RRM2: variants seen among roughly 807,000 people sequenced by gnomAD.
The protein encoded by RRM2 is ribonucleoside-diphosphate reductase subunit M2.
Under a neutral mutation model 45.9 loss-of-function variants are expected in RRM2, and 6 were observed. The observed-to-expected ratio is 0.13, with a 90% CI of 0.07 to 0.26. The LOEUF is 0.26. Among genes scored for constraint, RRM2 ranks in the 10% least tolerant of loss-of-function variants. RRM2 has a pLI of 1.00. For synonymous variants in RRM2, 177 were observed against 173.0 expected, an observed-to-expected ratio of 1.02 and a Z score of -0.18; for missense variants, 343 against 489.5, an observed-to-expected ratio of 0.70 and a Z score of 2.82.
Position 10,143,792 on chromosome 2 carries a change from C to T in RRM2, n.482+1417C>T, listed in dbSNP as rs559304061. ...AAGCAATTCTCCTGCCTCAGCCTCT[C>T]GAGTAGCTGGGACTACAGGTGTGCA... On this transcript the variant is annotated intron_variant and non_coding_transcript_variant, in intron 3 of 3. Coordinates refer to the RRM2 transcript ENST00000381786. 5.3e-5 allele frequency among the ~76,000 whole-genome samples: 8 copies of T among 152,268 alleles called. No individual in the cohort carries two copies. In the East Asian group the frequency reaches 9.7e-4, roughly 18 times the overall value.
Position 10,122,997 on chromosome 2 carries a change from C to G in RRM2, c.114C>G (p.Ser38Arg). 1 of 1,560,180 alleles carries G rather than the reference C, an allele frequency of 6.4e-7. No homozygotes were observed. Among genetic ancestry groups the G allele is most frequent in the Non-Finnish European group, 8.6e-7 (1 of 1,159,254 alleles). ...TCTCCCCGCAGCCGCCGGCCCTGAGCGGGACCCGCGTCCTGGCCAGCAAGA... is the reference window on the plus strand; with the variant it reads ...TCTCCCCGCAGCCGCCGGCCCTGAGGGGGACCCGCGTCCTGGCCAGCAAGA... Reference protein sequence around the residue: ...VDKENTPPALSGTRVLASKTA... With the variant: ...VDKENTPPALRGTRVLASKTA... Residue 38 changes from serine to arginine, a missense_variant, in exon 2 of 10, where the codon AGC (serine) becomes AGG (arginine). Around this residue, in one of 2 missense-constraint regions of RRM2, gnomAD observed 131 missense variants for 121.4 expected, o/e 1.08. Transcript: ENST00000304567.
At chr2:10,210,971 G>A (rs892927310) in exon 4 of RRM2, 15 of 191,322 alleles carry the variant, frequency 7.8e-5, no homozygotes, top group African/African-American at 3.5e-4. Flanking sequence ...CCAGCCCCCA[G>A]AGCTGTGAGA....
rs368497682 is a variant in RRM2 at position 10,199,673 on chromosome 2, G to A, written n.483-10638G>A. Among the ~76,000 whole-genome samples the A allele has an allele frequency of 8.6e-5, 13 of 151,446 alleles. No homozygotes were observed. In the East Asian group the frequency reaches 2.4e-3, roughly 28 times the overall value. ...CGGGCGCCTGAAGTCCCAGCTACTC[G>A]GGAGGCTGAGGCGGGAGAATGGCGT... On this transcript the variant is annotated intron_variant and non_coding_transcript_variant, in intron 3 of 3. Coordinates refer to the RRM2 transcript ENST00000381786.
intron 2 of RRM2, chr2:10,142,104 G>A (rs1663096426): frequency 8.2e-6 from 13 of 1,580,896 alleles, no homozygotes; most frequent in South Asian, 8.1e-5. Flanking sequence ...TGTTTCAGGC[G>A]GAGGGTGGGC....
chr2:10,132,013 C>A (rs1220092551), downstream of RRM2, among the ~76,000 whole-genome samples: 1 of 152,210 alleles, frequency 6.6e-6, no homozygotes, highest in Non-Finnish European at 1.5e-5. Flanking sequence ...TTTTGCTCTG[C>A]TGTCCCACAT....
chr2:10,163,773 A>G (rs1663621023), intron 3 of RRM2, among the ~76,000 whole-genome samples: 1 of 152,224 alleles, frequency 6.6e-6, no homozygotes, highest in African/African-American at 2.4e-5. Flanking sequence ...GGACAACAGG[A>G]AAAGGTTTCT....
chr2:10,127,453 C>T lies in RRM2; in HGVS notation c.798+233C>T, dbSNP rs925640453. The T allele has an allele frequency of 4.6e-6, 2 of 438,398 alleles. No individual in the cohort carries two copies. Among genetic ancestry groups the T allele is most frequent in the African/African-American group, 2.0e-5 (1 of 49,972 alleles). The allele number at this position is 438,398 out of a possible 1,614,324, so 27.2% of individuals were successfully genotyped here. On this transcript the variant is annotated intron_variant, in intron 7 of 9. Transcript: ENST00000304567. The surrounding 1 kb of genome is among the most constrained non-coding windows in gnomAD (Gnocchi z 4.1). ...TTGTACATATGTATTCCCCTATAGGCTTTGAATGCATAAAACTACAAGTTC... is the reference window on the plus strand; with the variant it reads ...TTGTACATATGTATTCCCCTATAGGTTTTGAATGCATAAAACTACAAGTTC...
intron 3 of RRM2, among the ~76,000 whole-genome samples, chr2:10,208,952 G>T (rs913345143): frequency 6.6e-6 from 1 of 151,904 alleles, no homozygotes; most frequent in Non-Finnish European, 1.5e-5. Flanking sequence ...CCACGTGCTG[G>T]ATCCTGCCTG....
At chr2:10,135,761 G>A (rs147547069), downstream of RRM2, among the ~76,000 whole-genome samples, 1 of 152,298 alleles carries the variant, frequency 6.6e-6, no homozygotes, top group Non-Finnish European at 1.5e-5. Flanking sequence ...AAGCCCATTA[G>A]AGATAGAAGT....
At chr2:10,206,409 C>G (rs1019387752) in intron 3 of RRM2, among the ~76,000 whole-genome samples, 2 of 152,092 alleles carry the variant, frequency 1.3e-5, no homozygotes, top group Non-Finnish European at 2.9e-5. Context: ...TATAAGCCAC[C>G]TAAACATCTA....
chr2:10,148,017 G>A (rs927126117), intron 3 of RRM2, among the ~76,000 whole-genome samples: 6 of 151,910 alleles, frequency 3.9e-5, no homozygotes, highest in African/African-American at 1.2e-4. Context: ...AGTGGCAGGC[G>A]CCTGTAATCC....
chr2:10,139,065 G>A (rs982498318), upstream of RRM2, among the ~76,000 whole-genome samples: 40 of 152,158 alleles, frequency 2.6e-4, no homozygotes, highest in African/African-American at 9.7e-4. Flanking sequence ...TAGAGGTTGC[G>A]CCATTGCACT....
intron 3 of RRM2, among the ~76,000 whole-genome samples, chr2:10,203,414 G>A (rs999660632): frequency 2.0e-5 from 3 of 152,168 alleles, no homozygotes; most frequent in Non-Finnish European, 4.4e-5. Flanking sequence ...AACAATAGTG[G>A]CACCTACGCA....
intron 3 of RRM2, among the ~76,000 whole-genome samples, chr2:10,157,016 CT>C (rs71391198): frequency 0.015 from 1,319 of 85,806 alleles, 13 homozygotes; most frequent in African/African-American, 0.057. Context: ...CAGCCCATTT[CT>C]TTTTTTTTTT....
chr2:10,141,874 G>A, exon 2 of RRM2: 1 of 1,566,110 alleles, frequency 6.4e-7, no homozygotes, highest in Admixed American at 1.9e-5. Context: ...ACCGTGAAGT[G>A]CAAAGCAGAT....
chr2:10,144,425 C>T (rs1453917373), intron 3 of RRM2, among the ~76,000 whole-genome samples: 3 of 152,216 alleles, frequency 2.0e-5, no homozygotes, highest in East Asian at 1.9e-4. Flanking sequence ...GAGTACCATT[C>T]GGCATCCCTG....
At chr2:10,154,822 A>G (rs1403518111) in intron 3 of RRM2, among the ~76,000 whole-genome samples, 2 of 148,022 alleles carry the variant, frequency 1.4e-5, no homozygotes, top group Non-Finnish European at 3.0e-5. Flanking sequence ...CAGCCTTCCC[A>G]AGTAGCTGGG....
intron 3 of RRM2, among the ~76,000 whole-genome samples, chr2:10,197,252 C>T (rs1348137827): frequency 6.6e-6 from 1 of 152,244 alleles, no homozygotes; most frequent in East Asian, 1.9e-4. Context: ...AGTCACAGCT[C>T]TGTGAAGGGT....
chr2:10,140,206 C>G (rs991455590), upstream of RRM2, among the ~76,000 whole-genome samples: 2 of 152,058 alleles, frequency 1.3e-5, no homozygotes, highest in African/African-American at 4.8e-5. Context: ...GAGATTGCAC[C>G]ACTGCACTCC....
Sources: gnomAD v4.1 joint callset for allele counts (sites outside exome capture counted in the v4.1 genomes callset) on GRCh38, gnomAD v4.1.1 for gene constraint, gnomAD v4.1.1 regional missense constraint, Gnocchi (gnomAD v3.1) non-coding constraint, MANE v1.5 for transcripts, NCBI Gene and HGNC (gene_info 2026-07-23, HGNC 2026-07-21) for gene names.